Variants in TMEM232 observed in about 807,000 individuals in gnomAD.
TMEM232 encodes transmembrane protein 232.
In TMEM232, 80 loss-of-function variants were observed where a neutral mutation model predicts 78.8. That is an observed-to-expected ratio of 1.01 (90% CI 0.85 to 1.22). The LOEUF (loss-of-function observed/expected upper bound fraction) is 1.22. Ranked by LOEUF, TMEM232 falls within the 50% of genes most tolerant of loss-of-function variation. The pLI is 0.00. For synonymous variants in TMEM232, 297 were observed against 254.3 expected (o/e 1.17, Z -1.60); for missense variants, 881 against 742.2 (o/e 1.19, Z -2.17).
intron 12 of TMEM232, among the ~76,000 whole-genome samples, chr5:110,506,644 A>G (rs1040459872): frequency 6.6e-6 from 1 of 152,172 alleles, no homozygotes; most frequent in African/African-American, 2.4e-5. Context: ...TATAGCTACA[A>G]TTACAGGTGA....
chr5:110,579,187 T>G (rs1390085786), intron 10 of TMEM232, among the ~76,000 whole-genome samples: 1 of 147,920 alleles, frequency 6.8e-6, no homozygotes, highest in African/African-American at 2.5e-5. Context: ...CAGAAGGGAG[T>G]GAGATGATAT....
intron 12 of TMEM232, among the ~76,000 whole-genome samples, chr5:110,442,132 C>G (rs1196739262): frequency 6.6e-6 from 1 of 151,982 alleles, no homozygotes; most frequent in East Asian, 1.9e-4. Flanking sequence ...GCTCTATTAC[C>G]TTCTTTTACT....
chr5:110,570,268 T>C (rs1776789882), intron 10 of TMEM232, among the ~76,000 whole-genome samples: 1 of 151,994 alleles, frequency 6.6e-6, no homozygotes, highest in African/African-American at 2.4e-5. Flanking sequence ...AACAAGTTTT[T>C]TGAATGAATG....
At chr5:110,548,782 T>C (rs1461606855) in intron 11 of TMEM232, among the ~76,000 whole-genome samples, 2 of 152,052 alleles carry the variant, frequency 1.3e-5, no homozygotes, top group Non-Finnish European at 2.9e-5. Flanking sequence ...TCAGGGAGCA[T>C]AAAATTAAAA....
chr5:110,683,640 A>G lies in TMEM232; in HGVS notation c.-12-16276T>C, dbSNP rs181241670. Among the ~76,000 whole-genome samples the G allele has an allele frequency of 4.0e-4, 60 of 151,568 alleles. 1 individual carries two copies. Among genetic ancestry groups the G allele is most frequent in the Non-Finnish European group, 7.8e-4 (53 of 67,704 alleles). On this transcript the variant is annotated intron_variant, in intron 1 of 13. Transcript: ENST00000455884. Reference sequence around the variant, plus strand: ...TCTTCCTAAGGCTTTTAGTAGTTTTATTATTATTATGCCTTTTTAGAGTTT... The same window carrying G: ...TCTTCCTAAGGCTTTTAGTAGTTTTGTTATTATTATGCCTTTTTAGAGTTT...
At chr5:110,737,949 C>A (rs769483701) in intron 1 of TMEM232, 1 of 155,232 alleles carries the variant, frequency 6.4e-6, no homozygotes, top group Non-Finnish European at 1.4e-5. Context: ...TTTTAATGTA[C>A]GCTATCAAAA....
At chr5:110,696,431 T>C (rs140358700) in intron 1 of TMEM232, among the ~76,000 whole-genome samples, 99 of 152,234 alleles carry the variant, frequency 6.5e-4, no homozygotes, top group African/African-American at 1.6e-3. Context: ...CTATTCAACA[T>C]AGTGTTGGAA....
intron 10 of TMEM232, among the ~76,000 whole-genome samples, chr5:110,587,082 C>T (rs1267132948): frequency 6.6e-6 from 1 of 151,880 alleles, no homozygotes; most frequent in East Asian, 1.9e-4. Flanking sequence ...ATTCAGTATC[C>T]AAAAAGTGAC....
At chr5:110,628,269 T>C (rs993513480) in intron 5 of TMEM232, among the ~76,000 whole-genome samples, 2 of 152,258 alleles carry the variant, frequency 1.3e-5, no homozygotes, top group Non-Finnish European at 1.5e-5. Context: ...TGTTTCAGTA[T>C]ATAAATGAGT....
intron 4 of TMEM232, among the ~76,000 whole-genome samples, chr5:110,388,461 C>A (rs1013125708): frequency 1.3e-5 from 2 of 152,144 alleles, no homozygotes; most frequent in African/African-American, 4.8e-5. Flanking sequence ...ATTTTACAGG[C>A]TGCTTTTTGT....
chr5:110,455,319 C>T (rs936588362), intron 12 of TMEM232, among the ~76,000 whole-genome samples: 7 of 150,660 alleles, frequency 4.6e-5, no homozygotes, highest in Non-Finnish European at 1.0e-4. Flanking sequence ...TTAAAACAAA[C>T]AAAAAAGGAT....
intron 1 of TMEM232, among the ~76,000 whole-genome samples, chr5:110,676,184 G>C (rs1792002316): frequency 6.6e-6 from 1 of 152,156 alleles, no homozygotes; most frequent in Non-Finnish European, 1.5e-5. Context: ...TGGACACTTA[G>C]ATTAATTTTA....
intron 12 of TMEM232, among the ~76,000 whole-genome samples, chr5:110,516,149 G>A (rs1041945222): frequency 7.9e-5 from 12 of 152,092 alleles, no homozygotes; most frequent in African/African-American, 2.7e-4. Context: ...TGACGCAGGA[G>A]AACGGCGTGA....
At chr5:110,541,194 T>C (rs2149579032) in intron 11 of TMEM232, among the ~76,000 whole-genome samples, 1 of 152,278 alleles carries the variant, frequency 6.6e-6, no homozygotes, top group African/African-American at 2.4e-5. Flanking sequence ...AACAGGCTCT[T>C]CACTGGGCCT....
chr5:110,615,049 G>A (rs1268187441), intron 8 of TMEM232, among the ~76,000 whole-genome samples: 2 of 151,824 alleles, frequency 1.3e-5, no homozygotes, highest in African/African-American at 2.4e-5. Context: ...ATACTCAGTA[G>A]GTGTCTCCCA....
chr5:110,516,196 G>A lies in TMEM232; in HGVS notation c.1703+12392C>T, dbSNP rs546869934. ...GGAGCTTGCAGTGAGCCGAGATCGC[G>A]CCACTGCACTTCAGCCTGGGCAACA... On this transcript the variant is annotated intron_variant, in intron 12 of 13. Transcript: ENST00000455884. 1.2e-3 allele frequency among the ~76,000 whole-genome samples: 176 copies of A among 152,186 alleles called. 1 individual carries two copies. The South Asian group carries it at 0.018, about 16-fold the overall frequency.
chr5:110,661,006 C>A (rs1434431361), intron 2 of TMEM232, among the ~76,000 whole-genome samples: 1 of 152,128 alleles, frequency 6.6e-6, no homozygotes, highest in East Asian at 1.9e-4. Context: ...CCCTTCCCAG[C>A]TTCTGGTAAC....
chr5:110,407,829 T>C (rs531776066), intron 2 of TMEM232, among the ~76,000 whole-genome samples: 3 of 152,086 alleles, frequency 2.0e-5, no homozygotes, highest in African/African-American at 7.2e-5. Context: ...GTATTATCTC[T>C]GACCACAATG....
At chr5:110,737,313 CTTAT>C (rs1177560947) in intron 1 of TMEM232, among the ~76,000 whole-genome samples, 4 of 152,094 alleles carry the variant, frequency 2.6e-5, no homozygotes, top group Admixed American at 2.6e-4. Context: ...TGCATTCCTG[CTTAT>C]TTTTTTCCTA....
Sources: gnomAD v4.1 joint callset for allele counts (sites outside exome capture counted in the v4.1 genomes callset) on GRCh38, gnomAD v4.1.1 for gene constraint, MANE v1.5 for transcripts, NCBI Gene and HGNC (gene_info 2026-07-23, HGNC 2026-07-21) for gene names.